CDAN1: variants seen among roughly 807,000 people sequenced by gnomAD.
The protein encoded by CDAN1 is codanin 1.
CDAN1 carries 107 observed loss-of-function variants against 139.8 expected under a neutral mutation model. The observed-to-expected ratio is 0.77, with a 90% CI of 0.65 to 0.90. The LOEUF (loss-of-function observed/expected upper bound fraction) is 0.90. Among genes scored for constraint, CDAN1 ranks in the 40% least tolerant of loss-of-function variants. The probability of loss-of-function intolerance (pLI) is 0.00; values close to 1 mark genes in which losing one functional copy is unlikely to be tolerated. For missense variants in CDAN1, 1,667 were observed against 1,575.7 expected, an observed-to-expected ratio of 1.06 and a Z score of -0.98; for synonymous variants, 776 against 660.6, an observed-to-expected ratio of 1.17 and a Z score of -2.68.
chr15:42,728,722 C>G lies in CDAN1; in HGVS notation c.2734G>C (p.Ala912Pro). 1 of 1,614,198 alleles carries G rather than the reference C, an allele frequency of 6.2e-7. No individual in the cohort carries two copies. Among genetic ancestry groups the G allele is most frequent in the Non-Finnish European group, 8.5e-7 (1 of 1,180,046 alleles). The change falls in exon 20 of 28, where the codon GCC becomes CCC. Residue 912 changes from alanine to proline, a missense_variant. Coordinates refer to ENST00000356231, the MANE Select transcript of CDAN1 (RefSeq NM_138477.4). ...GAACACAAGATCTCCAACAGCTGGG[C>G]TGGGTCTCCCCCTTCCTCTCCCTGT... ...VTQGEEGGDP[A>P]QLLEILCSQL... is the part of the protein sequence containing the mutation.
At position 42,735,971 on chromosome 15, in the gene CDAN1, G is replaced by T; in HGVS notation, c.677C>A (p.Ser226Tyr). Reference protein sequence around the residue: ...TSPPISCVPSSQPSALDTSPW... With the variant: ...TSPPISCVPSYQPSALDTSPW... ...GCTAGTGTCCAGGGCTGAGGGTTGG[G>T]AACTGGGGACACAGCTGATTGGGGG... Residue 226 changes from serine (S) to tyrosine (Y), a missense_variant, in exon 3 of 28, where the codon TCC becomes TAC. Around this residue, in one of 3 missense-constraint regions of CDAN1, gnomAD observed 487 missense variants for 422.2 expected, o/e 1.15. Coordinates refer to ENST00000356231, the MANE Select transcript of CDAN1 (RefSeq NM_138477.4). The T allele has an allele frequency of 6.2e-7, 1 of 1,614,194 alleles. No homozygotes were observed. Among genetic ancestry groups the T allele is most frequent in the Non-Finnish European group, 8.5e-7 (1 of 1,180,014 alleles).
At chr15:42,733,824 G>C in intron 8 of CDAN1, 114 bp downstream of exon 8, 1 of 781,450 alleles carries the variant, frequency 1.3e-6, no homozygotes, top group South Asian at 1.5e-5. Flanking sequence ...GACCTGGGGG[G>C]ACTAACCCAC....
intron 8 of CDAN1, 56 bp downstream of exon 8, chr15:42,733,882 C>G (rs2061649588): frequency 7.8e-7 from 1 of 1,289,372 alleles, no homozygotes; most frequent in African/African-American, 1.5e-5. Context: ...AAACAGCTGC[C>G]TATTCCAGAA....
chr15:42,733,003 C>CG (rs2061635431), intron 9 of CDAN1, 94 bp downstream of exon 9: 3 of 953,832 alleles, frequency 3.1e-6, no homozygotes. Flanking sequence ...CTGGTAGGAG[C>CG]GGGGAAAACC....
In CDAN1 at chr15:42,728,782, G is replaced by A; in HGVS notation, c.2674C>T (p.Gln892Ter). The change falls in exon 20 of 28, where the codon CAG (glutamine) becomes TAG (stop). Residue 892 changes from glutamine (Q) to a stop codon, truncating the protein, a stop_gained. Coordinates refer to ENST00000356231, the MANE Select transcript of CDAN1 (RefSeq NM_138477.4). LOFTEE classifies it high-confidence loss of function. ...TGCTCTTGGAGAAGTGACTCTGCCTGGCGCACCAGATCTGCCACCAGTGTA... is the reference window on the plus strand; with the variant it reads ...TGCTCTTGGAGAAGTGACTCTGCCTAGCGCACCAGATCTGCCACCAGTGTA... ...KATLVADLVR[Q>*]AESLLQEQLV... 1 of 1,614,188 alleles carries A rather than the reference G, an allele frequency of 6.2e-7. No homozygotes were observed. Among genetic ancestry groups the A allele is most frequent in the Non-Finnish European group, 8.5e-7 (1 of 1,180,034 alleles).
At chr15:42,735,835 A>G (rs780441537) in intron 3 of CDAN1, 40 bp downstream of exon 3, 1 of 1,609,740 alleles carries the variant, frequency 6.2e-7, no homozygotes, top group South Asian at 1.1e-5. Flanking sequence ...GATCCCCCAC[A>G]GCGAGGAAAC....
rs1164496551 is a variant in CDAN1 at position 42,728,653 on chromosome 15, C to G, written c.2803G>C (p.Glu935Gln). The G allele has an allele frequency of 1.5e-5, 25 of 1,613,738 alleles. No individual in the cohort carries two copies. Among genetic ancestry groups the G allele is most frequent in the African/African-American group, 2.7e-5 (2 of 74,902 alleles). ...ATCAAATGGACCAGCGCTGCTTACT[C>G]CCGCCCCAGGGCCAATGCCTGGGCC... ...HGAQALALGR[E>Q]FCQRKSPGAV... Residue 935 changes from glutamate (E) to glutamine (Q), a missense_variant and splice_region_variant, in exon 20 of 28, where the codon GAG becomes CAG. Glu to Gln is a conservative substitution (Grantham distance 29). Transcript: ENST00000356231.
At chr15:42,728,833 G>A (rs771226283) in intron 19 of CDAN1, 23 bp from the exon 20 acceptor site, 36 of 1,613,962 alleles carry the variant, frequency 2.2e-5, no homozygotes, top group Non-Finnish European at 3.1e-5. Flanking sequence ...CAGCAAGGTT[G>A]GGGATGGTTG....
chr15:42,724,373 G>T lies in CDAN1; in HGVS notation c.*118C>A. ...GTGACACCCTTAGAGCAGGAAGTCT[G>T]ACTGTAGACCCAGCTACACCCCAAC... On this transcript the variant is annotated 3_prime_UTR_variant, in exon 28 of 28. Coordinates refer to ENST00000356231, the MANE Select transcript of CDAN1 (RefSeq NM_138477.4). 1 of 1,365,276 alleles carries T rather than the reference G, an allele frequency of 7.3e-7. No individual in the cohort carries two copies. The highest frequency in any genetic ancestry group is 1.0e-6 in the Non-Finnish European group (1 of 992,396). 84.6% of individuals were successfully genotyped at this position (1,365,276 alleles called of 1,614,324 possible).
chr15:42,729,874 G>C lies in CDAN1; in HGVS notation c.2274C>G (p.Val758=). The change falls in exon 16 of 28, where the codon GTC becomes GTG. Residue 758 remains valine, a synonymous_variant. Transcript: ENST00000356231. ...VLGWLFQIPT[V]PEDLFFLEEG... ...CTTCCAGAAAGAACAAGTCCTCAGG[G>C]ACTGTGGGAATCTGGCAAGACAGTC... 1 of 1,613,122 alleles carries C rather than the reference G, an allele frequency of 6.2e-7. No individual in the cohort carries two copies. The highest frequency in any genetic ancestry group is 8.5e-7 in the Non-Finnish European group (1 of 1,179,628).
intron 9 of CDAN1, 79 bp downstream of exon 9, chr15:42,733,018 C>T: frequency 2.4e-6 from 3 of 1,244,030 alleles, no homozygotes; most frequent in Non-Finnish European, 3.6e-6. Context: ...AAAACCTTCC[C>T]TCCTCCTCCC....
In CDAN1 at chr15:42,725,641, G is replaced by A. The variant is rs757234599; in HGVS notation, c.3298C>T (p.Pro1100Ser). 6.2e-7 allele frequency: 1 copy of A among 1,614,038 alleles called. No homozygotes were observed. Among genetic ancestry groups the A allele is most frequent in the Non-Finnish European group, 8.5e-7 (1 of 1,180,016 alleles). Residue 1100 changes from proline to serine, a missense_variant, in exon 26 of 28, where the codon CCG becomes TCG. By Grantham distance (74) the Pro-to-Ser change is moderately conservative (BLOSUM62 -1). Transcript: ENST00000356231. ...VADQIPILGP[P>S]AQYRLERGQA... ...CCTCTCTCCAGCCTGTACTGTGCCG[G>A]GGGCCCTAGGATAGGAATTTGATCT...
Position 42,734,229 on chromosome 15 carries a change from G to A in CDAN1, c.1254C>T (p.Ala418=). 6.2e-7 allele frequency: 1 copy of A among 1,614,100 alleles called. No individual in the cohort carries two copies. Among genetic ancestry groups the A allele is most frequent in the Non-Finnish European group, 8.5e-7 (1 of 1,180,036 alleles). The part of the protein sequence containing the change: ...RLRAAYEGSV[A]KVSLVMPPST... Reference sequence around the variant, plus strand: ...GCAACTAAGCTGGGGTTACTACCTTGGCAACACTGCCCTCATAGGCAGCTC... The same window carrying A: ...GCAACTAAGCTGGGGTTACTACCTTAGCAACACTGCCCTCATAGGCAGCTC... Residue 418 remains alanine, a synonymous_variant, in exon 7 of 28, where the codon GCC becomes GCT. Coordinates refer to ENST00000356231, the MANE Select transcript of CDAN1 (RefSeq NM_138477.4).
Position 42,725,478 on chromosome 15 carries a change from G to T in CDAN1, c.3450+11C>A. The stretch of plus-strand genomic sequence containing the variant: ...GTGACTGCAGAGGGCTTCTTGTTCC[G>T]TCTGACTCACCTCCCTTGGCCTTGT... On this transcript the variant is annotated intron_variant, in intron 26 of 27. Transcript: ENST00000356231. 1 of 1,614,032 alleles carries T rather than the reference G, an allele frequency of 6.2e-7. No homozygotes were observed. Among genetic ancestry groups the T allele is most frequent in the Non-Finnish European group, 8.5e-7 (1 of 1,179,976 alleles).
chr15:42,724,287 C>T lies in CDAN1; in HGVS notation c.*204G>A. The T allele has an allele frequency of 1.6e-6, 1 of 637,122 alleles. No individual in the cohort carries two copies. Among genetic ancestry groups the T allele is most frequent in the Non-Finnish European group, 2.7e-6 (1 of 368,896 alleles). 39.5% of individuals were successfully genotyped at this position (637,122 alleles called of 1,614,324 possible). ...GACTGGCATCTCTGGACTTTTCTGC[C>T]ATAATCCCAAATCAGGCCAACTCTC... On this transcript the variant is annotated 3_prime_UTR_variant, in exon 28 of 28. Transcript: ENST00000356231.
intron 2 of CDAN1, 27 bp from the exon 3 acceptor site, chr15:42,736,105 TCA>T: frequency 6.2e-7 from 1 of 1,612,240 alleles, no homozygotes; most frequent in Non-Finnish European, 8.5e-7. Context: ...CAGGTTTTTC[TCA>T]AATTCCTATC....
Position 42,729,072 on chromosome 15 carries a change from C to A in CDAN1, c.2596G>T (p.Val866Leu). The A allele has an allele frequency of 6.2e-7, 1 of 1,614,216 alleles. No homozygotes were observed. Among genetic ancestry groups the A allele is most frequent in the Non-Finnish European group, 8.5e-7 (1 of 1,180,042 alleles). The change falls in exon 19 of 28, where the codon GTA (valine) becomes TTA (leucine). Residue 866 changes from valine to leucine, a missense_variant. Around this residue, in one of 3 missense-constraint regions of CDAN1, gnomAD observed 936 missense variants for 844.1 expected, o/e 1.11. Coordinates refer to ENST00000356231, the MANE Select transcript of CDAN1 (RefSeq NM_138477.4). The part of the protein sequence containing the change: ...HNQPPSLRRT[V>L]EFVAERIGSN... The stretch of plus-strand genomic sequence containing the variant: ...CCAATTCTTTCTGCCACGAACTCTA[C>A]GGTCCGGCGCAAGGAGGGCGGCTGG...
chr15:42,736,275 A>C, intron 2 of CDAN1, 27 bp downstream of exon 2: 1 of 1,612,778 alleles, frequency 6.2e-7, no homozygotes, highest in Non-Finnish European at 8.5e-7. Context: ...CGTGGTACCC[A>C]TCTCCTGCAT....
At chr15:42,731,114 T>A (rs2061605003) in intron 12 of CDAN1, 43 bp from the exon 13 acceptor site, 1 of 1,614,112 alleles carries the variant, frequency 6.2e-7, no homozygotes, top group Admixed American at 1.7e-5. Context: ...GCATGAGGCT[T>A]CCAGAACAAT....
Sources: gnomAD v4.1 joint callset for allele counts on GRCh38, gnomAD v4.1.1 for gene constraint, gnomAD v4.1.1 regional missense constraint, MANE v1.5 for transcripts, NCBI Gene and HGNC (gene_info 2026-07-23, HGNC 2026-07-21) for gene names.